Variants in GPSM1 observed in about 807,000 individuals in gnomAD.
The protein encoded by GPSM1 is G protein-signaling modulator 1.
GPSM1 carries 48 observed loss-of-function variants against 70.5 expected under a neutral mutation model. The observed-to-expected ratio is 0.68, with a 90% confidence interval of 0.54 to 0.87. GPSM1 has a LOEUF of 0.87. Among genes scored for constraint, GPSM1 ranks in the 40% least tolerant of loss-of-function variants. The pLI is 0.00. For synonymous variants in GPSM1, 416 were observed against 430.1 expected (o/e 0.97, Z 0.41); for missense variants, 981 against 972.6 (o/e 1.01, Z -0.11).
rs1003834564 is a variant in GPSM1, at chr9:136,342,475, G to T, written c.1207+1482G>T. On this transcript the variant is annotated intron_variant, in intron 9 of 13. Coordinates refer to ENST00000440944, the MANE Select transcript of GPSM1 (RefSeq NM_001145638.3). The surrounding 1 kb of genome is among the most constrained non-coding windows in gnomAD (Gnocchi z 5.5). ...CCGAGTGCGGGACCCCTTCCAGCCG[G>T]CCGGACGCCTCCTCCCCCAGGGCTG... Among the ~76,000 whole-genome samples the T allele has an allele frequency of 1.3e-5, 2 of 152,142 alleles. No homozygotes were observed. Among genetic ancestry groups the T allele is most frequent in the African/African-American group, 4.8e-5 (2 of 41,394 alleles).
In GPSM1 at chr9:136,353,334, G is replaced by T. The variant is rs568292565; in HGVS notation, c.1456-2356G>T. 2.6e-5 allele frequency among the ~76,000 whole-genome samples: 4 copies of T among 152,322 alleles called. No homozygotes were observed. In the South Asian group the frequency reaches 8.3e-4, roughly 32 times the overall value. ...CTGCAGGAGGGACTCTGAGGCCTCC[G>T]GGAAGGAGGGAGCCAGGGCTTGGGG... On this transcript the variant is annotated intron_variant, in intron 11 of 13. Transcript: ENST00000440944.
chr9:136,327,816 G>A (rs1211731011), intron 1 of GPSM1, 53 bp downstream of exon 1: 14 of 713,314 alleles, frequency 2.0e-5, no homozygotes, highest in East Asian at 1.3e-4. Flanking sequence ...GGACCGGGCC[G>A]GGTCGGGACG....
rs782481648 is a variant in GPSM1, at chr9:136,356,339, C to A, written c.1613-3C>A. ...CCAGGTCTCACCCTCTGGCCCCCCG[C>A]AGCCCAGCCCTCGATGACGGCCTCG... On this transcript the variant is annotated splice_region_variant and splice_polypyrimidine_tract_variant and intron_variant, in intron 12 of 13. Coordinates refer to ENST00000440944, the MANE Select transcript of GPSM1 (RefSeq NM_001145638.3). The A allele has an allele frequency of 1.3e-6, 2 of 1,570,188 alleles. No individual in the cohort carries two copies. Among genetic ancestry groups the A allele is most frequent in the Middle Eastern group, 1.7e-4 (1 of 5,894 alleles).
chr9:136,346,281 C>T (rs1832519977), intron 9 of GPSM1, among the ~76,000 whole-genome samples: 1 of 152,238 alleles, frequency 6.6e-6, no homozygotes, highest in Non-Finnish European at 1.5e-5. Context: ...TAGGCATTCG[C>T]CGTGGGCTGG....
intron 1 of GPSM1, among the ~76,000 whole-genome samples, chr9:136,333,936 G>T (rs961442019): frequency 7.9e-5 from 12 of 152,064 alleles, no homozygotes; most frequent in Non-Finnish European, 1.5e-4. Context: ...GCCGAGATCA[G>T]ATCCCCACCC....
chr9:136,356,061 G>A (rs1554773066), intron 12 of GPSM1, among the ~76,000 whole-genome samples: 1 of 152,164 alleles, frequency 6.6e-6, no homozygotes, highest in Admixed American at 6.5e-5. Context: ...TCAGGCTGCA[G>A]GGGCAGTCTC....
chr9:136,351,003 TG>T (rs1832646996), intron 11 of GPSM1, among the ~76,000 whole-genome samples: 2 of 152,282 alleles, frequency 1.3e-5, no homozygotes, highest in South Asian at 4.1e-4. Context: ...GGGGCACCGA[TG>T]GGCCGAGTCC....
chr9:136,354,702 C>G, intron 11 of GPSM1: 4 of 502,540 alleles, frequency 8.0e-6, no homozygotes, highest in Non-Finnish European at 1.0e-5. Context: ...CTTGGGGGGC[C>G]ACAGGAGACC....
chr9:136,334,161 C>T (rs1371995931), intron 1 of GPSM1, among the ~76,000 whole-genome samples: 3 of 152,244 alleles, frequency 2.0e-5, no homozygotes, highest in African/African-American at 4.8e-5. Context: ...GCCTGAGGGT[C>T]TTGCCGGGGT....
intron 1 of GPSM1, among the ~76,000 whole-genome samples, chr9:136,333,770 G>A (rs868954836): frequency 3.3e-5 from 5 of 152,174 alleles, no homozygotes; most frequent in Admixed American, 2.0e-4. Context: ...GGCTGGCAGC[G>A]GCGAGCGCTT....
rs1366748201 is a variant in GPSM1, at chr9:136,340,586, G to A, written c.1084-284G>A. On this transcript the variant is annotated intron_variant, in intron 8 of 13. Coordinates refer to ENST00000440944, the MANE Select transcript of GPSM1 (RefSeq NM_001145638.3). This position sits in a 1 kb window ranked among gnomAD's most constrained non-coding sequence, Gnocchi z 7.3. ...AGCCGGGCGGGGCCGGGCCCCTCGC[G>A]CACCGGAGGGCACAGGCCCAACCGC... Among the ~76,000 whole-genome samples, 3 of 152,030 alleles carry A rather than the reference G, an allele frequency of 2.0e-5. No individual in the cohort carries two copies. Among genetic ancestry groups the A allele is most frequent in the South Asian group, 2.1e-4 (1 of 4,834 alleles).
rs1554768939 is a variant in GPSM1 at position 136,334,637 on chromosome 9, G to C, written c.259G>C (p.Glu87Gln). 6.2e-7 allele frequency: 1 copy of C among 1,612,418 alleles called. No individual in the cohort carries two copies. Among genetic ancestry groups the C allele is most frequent in the East Asian group, 2.2e-5 (1 of 44,880 alleles). ...FYLKEHGRAL[E>Q]YHKHDLLLAR... ...CCTGAAGGAGCACGGCCGGGCGCTG[G>C]AATACCACAAGCATGACCTCCTGCT... The change falls in exon 2 of 14, where the codon GAA (glutamate) becomes CAA (glutamine). Residue 87 changes from glutamate (E) to glutamine (Q), a missense_variant. Glu to Gln is a conservative substitution (Grantham distance 29, BLOSUM62 2). Coordinates refer to ENST00000440944, the MANE Select transcript of GPSM1 (RefSeq NM_001145638.3).
chr9:136,331,373 C>A (rs920427297), intron 1 of GPSM1, among the ~76,000 whole-genome samples: 2 of 151,228 alleles, frequency 1.3e-5, no homozygotes, highest in Non-Finnish European at 3.0e-5. Context: ...AGCCCCCCCC[C>A]CCCGCTGCCC....
At chr9:136,346,811 G>C (rs1019494024) in intron 9 of GPSM1, among the ~76,000 whole-genome samples, 1 of 152,312 alleles carries the variant, frequency 6.6e-6, no homozygotes, top group Non-Finnish European at 1.5e-5. Flanking sequence ...AGCTGTGCAG[G>C]TGAGGCTGGG....
intron 11 of GPSM1, among the ~76,000 whole-genome samples, chr9:136,352,650 G>C (rs1468505012): frequency 6.6e-6 from 1 of 152,252 alleles, no homozygotes; most frequent in Non-Finnish European, 1.5e-5. Context: ...CCCGGACAGA[G>C]GAGTCCAGAT....
intron 10 of GPSM1, 37 bp downstream of exon 10, chr9:136,348,804 G>A (rs375164852): frequency 1.3e-5 from 19 of 1,504,528 alleles, no homozygotes; most frequent in East Asian, 6.8e-5. Context: ...CAGCACAGCC[G>A]CTGCCAGAGC....
At position 136,355,012 on chromosome 9, in the gene GPSM1, G is replaced by A. The variant is rs1275148903; in HGVS notation, c.1456-678G>A. The A allele has an allele frequency of 1.0e-5, 11 of 1,082,788 alleles. No homozygotes were observed. The East Asian group carries it at 3.3e-4, about 32-fold the overall frequency. 67.1% of individuals were successfully genotyped at this position (1,082,788 alleles called of 1,614,324 possible). On this transcript the variant is annotated intron_variant, in intron 11 of 13. Transcript: ENST00000440944. Reference sequence around the variant, plus strand: ...AGGGGAGAAGTCCGGGGCAGTCGGCGGGTGCCGAGGGTGAGTGACACGTCC... The same window carrying A: ...AGGGGAGAAGTCCGGGGCAGTCGGCAGGTGCCGAGGGTGAGTGACACGTCC...
At chr9:136,335,895 C>T (rs28517495) in intron 2 of GPSM1, 71 bp from the exon 3 acceptor site, 15 of 1,510,270 alleles carry the variant, frequency 9.9e-6, no homozygotes, top group Middle Eastern at 3.5e-4. Context: ...CCACCCCATG[C>T]TCAGCCTCCC....
At chr9:136,337,631 T>C (rs1832277432) in intron 5 of GPSM1, 67 bp downstream of exon 5, 1 of 1,464,854 alleles carries the variant, frequency 6.8e-7, no homozygotes, top group African/African-American at 1.4e-5. Context: ...AGCCACCCTC[T>C]TGGCGGTCCC....
Sources: gnomAD v4.1 joint callset for allele counts (sites outside exome capture counted in the v4.1 genomes callset) on GRCh38, gnomAD v4.1.1 for gene constraint, Gnocchi (gnomAD v3.1) non-coding constraint, MANE v1.5 for transcripts, NCBI Gene and HGNC (gene_info 2026-07-23, HGNC 2026-07-21) for gene names.